Variants in GPT2 observed in about 807,000 individuals in gnomAD.
GPT2 encodes the protein alanine aminotransferase 2.
In GPT2, 30 loss-of-function variants were observed where a neutral mutation model predicts 56.9. That is an observed-to-expected ratio of 0.53 (90% CI 0.39 to 0.72). The LOEUF (loss-of-function observed/expected upper bound fraction) is 0.72. Ranked by LOEUF, GPT2 falls within the 30% of genes least tolerant of loss-of-function variation. GPT2 has a pLI of 0.00. For missense variants in GPT2, 542 were observed against 703.4 expected (o/e 0.77, Z 2.60); for synonymous variants, 271 against 283.1 (o/e 0.96, Z 0.43).
intron 4 of GPT2, among the ~76,000 whole-genome samples, chr16:46,906,324 G>A (rs2143452486): frequency 6.6e-6 from 1 of 152,272 alleles, no homozygotes; most frequent in Non-Finnish European, 1.5e-5. Context: ...CTCCTGCCTG[G>A]CCTCCCAAAA....
intron 4 of GPT2, among the ~76,000 whole-genome samples, chr16:46,901,184 T>A (rs1227041910): frequency 6.6e-6 from 1 of 152,166 alleles, no homozygotes; most frequent in East Asian, 1.9e-4. Flanking sequence ...TCTGAACATG[T>A]CTCTGCACTG....
intron 7 of GPT2, 42 bp from the exon 8 acceptor site, chr16:46,918,578 CT>C: frequency 6.2e-7 from 1 of 1,607,250 alleles, no homozygotes. Context: ...GCAGCAGCCT[CT>C]TTGAGGACCC....
intron 4 of GPT2, among the ~76,000 whole-genome samples, chr16:46,902,259 A>T (rs1229731508): frequency 2.6e-5 from 4 of 152,080 alleles, no homozygotes; most frequent in Non-Finnish European, 4.4e-5. Flanking sequence ...GGTTTTTGGG[A>T]CCCACCCTAA....
intron 11 of GPT2, among the ~76,000 whole-genome samples, chr16:46,928,657 G>A (rs1961465989): frequency 6.6e-6 from 1 of 151,604 alleles, no homozygotes; most frequent in South Asian, 2.1e-4. Flanking sequence ...CTGCAGTAAT[G>A]GGTGGATATG....
intron 2 of GPT2, 132 bp downstream of exon 2, chr16:46,885,090 A>G: frequency 7.4e-7 from 1 of 1,350,224 alleles, no homozygotes; most frequent in Non-Finnish European, 9.5e-7. Flanking sequence ...CCTGGCTAAA[A>G]CGAGAGAATG....
At chr16:46,899,023 ATATATATATATATT>A (rs1374418172) in intron 3 of GPT2, among the ~76,000 whole-genome samples, 6 of 3,792 alleles carry the variant, frequency 1.6e-3, no homozygotes, top group African/African-American at 3.1e-3. Flanking sequence ...ATATATATAT[ATATATATATATATT>A]TTTTTTTTTT....
At chr16:46,920,628 G>A (rs1442428169) in intron 8 of GPT2, among the ~76,000 whole-genome samples, 1 of 152,242 alleles carries the variant, frequency 6.6e-6, no homozygotes, top group Non-Finnish European at 1.5e-5. Context: ...AACAGTGTAA[G>A]CGTGAAGCTC....
At chr16:46,907,602 G>C (rs971482536) in intron 5 of GPT2, among the ~76,000 whole-genome samples, 2 of 152,186 alleles carry the variant, frequency 1.3e-5, no homozygotes, top group Admixed American at 6.5e-5. Flanking sequence ...CTGAGTGCTG[G>C]GAACTGGAGA....
chr16:46,884,940 C>T lies in GPT2; in HGVS notation c.225C>T (p.Ile75=). 6.6e-7 allele frequency: 1 copy of T among 1,520,914 alleles called. No homozygotes were observed. The highest frequency in any genetic ancestry group is 2.6e-5 in the East Asian group (1 of 39,112). The allele number at this position is 1,520,914 out of a possible 1,614,324, so 94.2% of individuals were successfully genotyped here. The change falls in exon 2 of 12, where the codon ATC becomes ATT. Residue 75 remains isoleucine (I), a synonymous_variant. Coordinates refer to ENST00000340124, the MANE Select transcript of GPT2 (RefSeq NM_133443.4). ...CCATCGTGCTCAAGGCCGGCGAGAT[C>T]GAGCTCGAGCTGCAGCGGGTGAGCG... is the stretch of plus-strand genomic sequence containing the variant. ...RGPIVLKAGE[I]ELELQRGIKK... is the part of the protein sequence containing the mutation.
At chr16:46,920,213 A>T (rs894437232) in intron 8 of GPT2, among the ~76,000 whole-genome samples, 2 of 152,232 alleles carry the variant, frequency 1.3e-5, no homozygotes, top group Non-Finnish European at 2.9e-5. Context: ...ATGGTGTTGC[A>T]GTCAACAGAT....
intron 7 of GPT2, among the ~76,000 whole-genome samples, chr16:46,917,777 T>C (rs1961199315): frequency 6.6e-6 from 1 of 151,736 alleles, no homozygotes; most frequent in African/African-American, 2.4e-5. Flanking sequence ...CACACACACA[T>C]ACATACACAC....
intron 4 of GPT2, 96 bp downstream of exon 4, chr16:46,900,886 G>A (rs997041998): frequency 3.5e-6 from 3 of 868,380 alleles, no homozygotes; most frequent in East Asian, 2.6e-5. Context: ...GCGAATGGGT[G>A]TGTGAACGTG....
intron 4 of GPT2, among the ~76,000 whole-genome samples, chr16:46,903,141 TG>T: frequency 6.6e-6 from 1 of 151,658 alleles, no homozygotes; most frequent in East Asian, 2.0e-4. Flanking sequence ...CCCAGCTACT[TG>T]GGAGACTGAG....
At chr16:46,896,110 AGAT>A (rs755457281) in intron 2 of GPT2, among the ~76,000 whole-genome samples, 3 of 152,168 alleles carry the variant, frequency 2.0e-5, no homozygotes, top group Non-Finnish European at 2.9e-5. Flanking sequence ...GGCTTTTGTA[AGAT>A]GATATTTGTA....
At chr16:46,913,275 C>A (rs188500612) in intron 6 of GPT2, among the ~76,000 whole-genome samples, 45 of 152,318 alleles carry the variant, frequency 3.0e-4, no homozygotes, top group African/African-American at 1.0e-3. Context: ...TGCTTAGTCA[C>A]TTGTGTTTCC....
intron 2 of GPT2, among the ~76,000 whole-genome samples, chr16:46,896,467 T>C (rs1960688247): frequency 6.6e-6 from 1 of 152,046 alleles, no homozygotes; most frequent in East Asian, 1.9e-4. Flanking sequence ...TTTTTTTTAA[T>C]GTGAAAATCA....
chr16:46,923,997 A>G (rs1961348212), intron 9 of GPT2: 1 of 350,138 alleles, frequency 2.9e-6, no homozygotes, highest in Non-Finnish European at 5.6e-6. Flanking sequence ...TTGGCCTAGA[A>G]CTCCCTGGTG....
At chr16:46,896,389 T>C (rs886594152) in intron 2 of GPT2, among the ~76,000 whole-genome samples, 3 of 152,116 alleles carry the variant, frequency 2.0e-5, no homozygotes, top group African/African-American at 7.2e-5. Context: ...TCTTCTGTGC[T>C]ACACACATTG....
At chr16:46,919,183 C>T (rs1301936271) in intron 8 of GPT2, among the ~76,000 whole-genome samples, 2 of 152,196 alleles carry the variant, frequency 1.3e-5, no homozygotes, top group Non-Finnish European at 2.9e-5. Context: ...AGCTGTAATC[C>T]TGTGTCTGTT....
Sources: gnomAD v4.1 joint callset for allele counts (sites outside exome capture counted in the v4.1 genomes callset) on GRCh38, gnomAD v4.1.1 for gene constraint, MANE v1.5 for transcripts, NCBI Gene and HGNC (gene_info 2026-07-23, HGNC 2026-07-21) for gene names.